Variants in PHIP observed in about 807,000 individuals in gnomAD.
PHIP encodes PH-interacting protein.
Under a neutral mutation model 236.8 loss-of-function variants are expected in PHIP, and 54 were observed. The ratio of observed to expected loss-of-function variants is 0.23; its 90% CI spans 0.18 to 0.29. The LOEUF is 0.29. Among genes scored for constraint, PHIP ranks in the 10% least tolerant of loss-of-function variants. The pLI is 1.00. For synonymous variants in PHIP, 756 were observed against 718.9 expected (o/e 1.05, Z -0.83); for missense variants, 1,370 against 2,190.8 (o/e 0.63, Z 7.48).
In PHIP at chr6:78,998,383, G is replaced by C; in HGVS notation, c.1888C>G (p.Gln630Glu). The C allele has an allele frequency of 3.1e-6, 5 of 1,613,354 alleles. No homozygotes were observed. The highest frequency in any genetic ancestry group is 4.2e-6 in the Non-Finnish European group (5 of 1,179,464). The stretch of plus-strand genomic sequence containing the variant: ...TGGTTTGCTTGCTGACTTAAAACTT[G>C]ATTCAGTCCTATACAATACCACACA... ...QMGVTSSGLNQVLSQQANQEI... is the reference protein window; with the variant it reads ...QMGVTSSGLNEVLSQQANQEI... Residue 630 changes from glutamine to glutamate, a missense_variant, in exon 18 of 40, where the codon CAA (glutamine) becomes GAA (glutamate). Physicochemically the swap from Gln to Glu is conservative, Grantham distance 29 (BLOSUM62 2). Around this residue, in one of 14 missense-constraint regions of PHIP, gnomAD observed 133 missense variants for 245.2 expected, o/e 0.54. Transcript: ENST00000275034.
chr6:79,007,551 C>T (rs2127735589), intron 15 of PHIP, among the ~76,000 whole-genome samples: 2 of 151,812 alleles, frequency 1.3e-5, no homozygotes, highest in Middle Eastern at 3.5e-3. Context: ...TCTAGAAAAC[C>T]TTAACACAAA....
chr6:78,966,852 T>C (rs1018676628), intron 27 of PHIP, among the ~76,000 whole-genome samples: 5 of 152,256 alleles, frequency 3.3e-5, no homozygotes, highest in African/African-American at 1.2e-4. Context: ...GTGGCTAGCA[T>C]AGGCTAGAGC....
chr6:79,035,929 C>T (rs1356354000), intron 7 of PHIP, among the ~76,000 whole-genome samples: 4 of 152,106 alleles, frequency 2.6e-5, no homozygotes, highest in Non-Finnish European at 5.9e-5. Flanking sequence ...ATTTCATTCT[C>T]GACCCTTATT....
At position 79,041,101 on chromosome 6, in the gene PHIP, T is replaced by C. The variant is rs547074084; in HGVS notation, c.600+1742A>G. Among the ~76,000 whole-genome samples, 4 of 152,286 alleles carry C rather than the reference T, an allele frequency of 2.6e-5. No individual in the cohort carries two copies. The East Asian group carries it at 7.7e-4, about 29-fold the overall frequency. On this transcript the variant is annotated intron_variant, in intron 7 of 39. Transcript: ENST00000275034. ...CAGAGCTGGATAAATATTTTAGGCTTTGCAGGCCATATGTTCTCAGTCAAA... is the reference window on the plus strand; with the variant it reads ...CAGAGCTGGATAAATATTTTAGGCTCTGCAGGCCATATGTTCTCAGTCAAA...
At chr6:79,038,016 A>G (rs1324409823) in intron 7 of PHIP, among the ~76,000 whole-genome samples, 2 of 152,226 alleles carry the variant, frequency 1.3e-5, no homozygotes, top group South Asian at 2.1e-4. Flanking sequence ...ACAGACTATC[A>G]TATCTTTTAA....
At chr6:78,984,720 C>T (rs1768758816) in intron 22 of PHIP, among the ~76,000 whole-genome samples, 1 of 152,132 alleles carries the variant, frequency 6.6e-6, no homozygotes, top group Non-Finnish European at 1.5e-5. Flanking sequence ...GATTGTACAA[C>T]TGAGGAACTC....
chr6:78,963,974 C>A (rs749872131), intron 29 of PHIP, among the ~76,000 whole-genome samples: 27 of 152,272 alleles, frequency 1.8e-4, no homozygotes, highest in Non-Finnish European at 3.2e-4. Context: ...AGTAACCACC[C>A]TTCAATATAT....
At chr6:78,961,633 A>G in intron 31 of PHIP, 57 bp downstream of exon 31, 1 of 1,577,480 alleles carries the variant, frequency 6.3e-7, no homozygotes, top group East Asian at 2.3e-5. Flanking sequence ...AGATCAGTAA[A>G]TGGGTGGAAA....
chr6:79,015,023 C>A lies in PHIP; in HGVS notation c.1524+59G>T, dbSNP rs68067309. On this transcript the variant is annotated intron_variant, in intron 15 of 39. Transcript: ENST00000275034. ...GATTTCCTTTGTGACATGCAGAGTA[C>A]CTTTGTCAAAAAGCTCCCAAATCTT... is the stretch of plus-strand genomic sequence containing the variant. 149,998 of 1,417,142 alleles carry A rather than the reference C, an allele frequency of 0.11. 8,349 individuals are homozygous for A. Among genetic ancestry groups the A allele is most frequent in the Middle Eastern group, 0.16 (890 of 5,550 alleles). 87.8% of individuals were successfully genotyped at this position (1,417,142 alleles called of 1,614,324 possible). A position where few individuals can be genotyped will look rare whatever the true frequency, so the allele number is the denominator to read the frequency against.
intron 32 of PHIP, chr6:78,957,130 T>G (rs1766472341): frequency 6.6e-6 from 1 of 152,106 alleles, no homozygotes; most frequent in Admixed American, 6.5e-5. Flanking sequence ...TTCATGAATC[T>G]GACTTCAAAG....
At chr6:79,039,711 T>C (rs1020145050) in intron 7 of PHIP, among the ~76,000 whole-genome samples, 7 of 152,190 alleles carry the variant, frequency 4.6e-5, no homozygotes, top group Non-Finnish European at 7.4e-5. Context: ...GGGAAAACTC[T>C]GCTTTTTATA....
At chr6:79,076,403 G>C (rs1216131044) in intron 4 of PHIP, among the ~76,000 whole-genome samples, 2 of 152,046 alleles carry the variant, frequency 1.3e-5, no homozygotes, top group Non-Finnish European at 2.9e-5. Flanking sequence ...AGGCTTGGTG[G>C]GTCCGGTGCG....
At chr6:79,010,067 A>G (rs1405453269) in intron 15 of PHIP, among the ~76,000 whole-genome samples, 2 of 151,434 alleles carry the variant, frequency 1.3e-5, no homozygotes, top group African/African-American at 2.4e-5. Flanking sequence ...AGAAAGAAGG[A>G]AGGAAAGAAG....
chr6:79,049,434 A>G (rs1222443693), intron 6 of PHIP, among the ~76,000 whole-genome samples: 4 of 152,232 alleles, frequency 2.6e-5, no homozygotes, highest in Non-Finnish European at 4.4e-5. Context: ...TTCTGTAAAT[A>G]AAATGCAAAA....
At chr6:79,075,171 T>G (rs550221028) in intron 4 of PHIP, among the ~76,000 whole-genome samples, 19 of 152,224 alleles carry the variant, frequency 1.2e-4, no homozygotes, top group African/African-American at 4.6e-4. Flanking sequence ...GATCAACTAT[T>G]GAACAAAAAA....
At chr6:79,004,393 T>C (rs963780221) in intron 15 of PHIP, 1 of 984,920 alleles carries the variant, frequency 1.0e-6, no homozygotes, top group Non-Finnish European at 1.2e-6. Flanking sequence ...TTTTCTGTTT[T>C]CCAGTTCCAT....
intron 6 of PHIP, among the ~76,000 whole-genome samples, chr6:79,049,737 A>T (rs1405086820): frequency 6.6e-6 from 1 of 152,192 alleles, no homozygotes; most frequent in Non-Finnish European, 1.5e-5. Context: ...TTTCCAAGAA[A>T]ATAATGCTAT....
At chr6:78,958,892 AG>A (rs1766591996) in intron 31 of PHIP, among the ~76,000 whole-genome samples, 1 of 152,084 alleles carries the variant, frequency 6.6e-6, no homozygotes, top group Admixed American at 6.6e-5. Flanking sequence ...GCAGGAGAGT[AG>A]AAAGGGGAGA....
At chr6:78,945,003 A>G (rs1020298689) in intron 39 of PHIP, among the ~76,000 whole-genome samples, 1 of 152,212 alleles carries the variant, frequency 6.6e-6, no homozygotes. Flanking sequence ...ATAATTACTT[A>G]AACATTTTTC....
Sources: allele counts gnomAD v4.1 joint callset (sites outside exome capture counted in the v4.1 genomes callset), GRCh38; gene constraint gnomAD v4.1.1; regional missense constraint gnomAD v4.1.1; transcripts MANE v1.5; gene names NCBI Gene and HGNC (gene_info 2026-07-23, HGNC 2026-07-21).